METTL21A: variants seen among roughly 807,000 people sequenced by gnomAD.
METTL21A encodes methyltransferase 21A, HSPA lysine.
In METTL21A, 22 loss-of-function variants were observed where a neutral mutation model predicts 20.9. The observed-to-expected ratio is 1.05, with a 90% confidence interval of 0.75 to 1.50. The LOEUF is 1.50. Among genes scored for constraint, METTL21A ranks in the 40% most tolerant of loss-of-function variants. METTL21A has a pLI of 0.00. For synonymous variants in METTL21A, 93 were observed against 102.0 expected, an observed-to-expected ratio of 0.91 and a Z score of 0.53; for missense variants, 271 against 266.8, an observed-to-expected ratio of 1.02 and a Z score of -0.11.
chr2:207,604,495 C>G (rs1248816989), downstream of METTL21A, among the ~76,000 whole-genome samples: 2 of 142,346 alleles, frequency 1.4e-5, no homozygotes, highest in South Asian at 2.3e-4. Flanking sequence ...CCACATCTTT[C>G]TTAAGTGCAG....
intron 3 of METTL21A, among the ~76,000 whole-genome samples, chr2:207,621,594 T>A (rs112361918): frequency 2.3e-4 from 35 of 152,048 alleles, no homozygotes; most frequent in East Asian, 1.9e-3. Context: ...TGTGTGTGTG[T>A]GAGAGAGAGA....
intron 3 of METTL21A, among the ~76,000 whole-genome samples, chr2:207,588,849 T>C (rs2084406652): frequency 7.0e-6 from 1 of 143,694 alleles, no homozygotes; most frequent in African/African-American, 2.5e-5. Context: ...TTTTATCCTA[T>C]GACCATTCTA....
chr2:207,617,246 C>T (rs1057025110), intron 3 of METTL21A, among the ~76,000 whole-genome samples: 2 of 152,220 alleles, frequency 1.3e-5, no homozygotes, highest in African/African-American at 2.4e-5. Flanking sequence ...TCCTTACCCA[C>T]AGCTCAAAAG....
Position 207,596,845 on chromosome 2 carries a change from A to G in METTL21A, c.260-14685T>C. 2.6e-6 allele frequency: 4 copies of G among 1,560,844 alleles called. No individual in the cohort carries two copies. In the Admixed American group the frequency reaches 8.7e-5, roughly 34 times the overall value. On this transcript the variant is annotated intron_variant, in intron 3 of 3. Coordinates refer to the METTL21A transcript ENST00000425132. ...GAGCTATTTCTTTAAAAAAGAAAAA[A>G]AAAAGGTAATCCAAAATAAATATGT... is the stretch of plus-strand genomic sequence containing the variant.
downstream of METTL21A, among the ~76,000 whole-genome samples, chr2:207,607,478 C>G (rs1287406035): frequency 6.6e-6 from 1 of 151,274 alleles, no homozygotes; most frequent in African/African-American, 2.4e-5. Flanking sequence ...ATTGTATTTG[C>G]TAAGATAAAA....
chr2:207,613,032 T>C, exon 4 of METTL21A: 3 of 1,534,076 alleles, frequency 2.0e-6, no homozygotes, highest in Non-Finnish European at 2.6e-6. Context: ...AACATTCTTA[T>C]AAATTATAGC....
intron 3 of METTL21A, among the ~76,000 whole-genome samples, chr2:207,592,934 G>A (rs1286770722): frequency 4.0e-5 from 1 of 24,836 alleles, no homozygotes; most frequent in Non-Finnish European, 8.0e-5. Flanking sequence ...AAAATTCTCA[G>A]ATATACTTTC....
downstream of METTL21A, among the ~76,000 whole-genome samples, chr2:207,605,180 C>T (rs920446284): frequency 6.6e-6 from 1 of 152,160 alleles, no homozygotes; most frequent in Admixed American, 6.6e-5. Flanking sequence ...TTTTACCTTC[C>T]ACCATTGATG....
chr2:207,599,437 C>A (rs755833552), intron 3 of METTL21A: 25 of 198,848 alleles, frequency 1.3e-4, no homozygotes, highest in Non-Finnish European at 2.4e-4. Context: ...AAAGTTCAGG[C>A]TTTCTACTTA....
chr2:207,582,244 G>A (rs1426257245), intron 3 of METTL21A: 1 of 697,774 alleles, frequency 1.4e-6, no homozygotes, highest in African/African-American at 1.8e-5. Context: ...GAAGTACTTG[G>A]AGGCTATGCA....
intron 3 of METTL21A, chr2:207,601,287 G>C (rs542394960): frequency 3.8e-4 from 70 of 185,164 alleles, no homozygotes; most frequent in Non-Finnish European, 6.7e-4. Flanking sequence ...TTGGGTATTA[G>C]CAACTTAAGA....
downstream of METTL21A, among the ~76,000 whole-genome samples, chr2:207,605,156 C>T (rs1218971960): frequency 6.6e-6 from 1 of 152,184 alleles, no homozygotes; most frequent in Non-Finnish European, 1.5e-5. Flanking sequence ...AACTTTCCCT[C>T]AGCAGCTGTA....
At chr2:207,584,027 G>A (rs2106634130) in intron 3 of METTL21A, among the ~76,000 whole-genome samples, 1 of 152,254 alleles carries the variant, frequency 6.6e-6, no homozygotes, top group Middle Eastern at 3.4e-3. Flanking sequence ...ACTTATCCCA[G>A]ATAATTCCAT....
rs760826939 is a variant in METTL21A at position 207,613,196 on chromosome 2, A to G, written c.507T>C (p.Ile169=). 3.1e-6 allele frequency: 5 copies of G among 1,613,906 alleles called. No homozygotes were observed. The South Asian group carries it at 4.4e-5, about 14-fold the overall frequency. The change falls in exon 4 of 4, where the codon ATT becomes ATC. Residue 169 remains isoleucine (I), a synonymous_variant. Transcript: ENST00000406927. ...CATAGCGAATTCGGCATGCTAAAAG[A>G]ATCACAGAGTGATTGCTACAGAGAT...
chr2:207,595,828 C>G (rs1011460606), intron 3 of METTL21A, among the ~76,000 whole-genome samples: 3 of 152,192 alleles, frequency 2.0e-5, no homozygotes, highest in African/African-American at 7.2e-5. Context: ...CTCAGCCTCC[C>G]AAAGTGCTGG....
At chr2:207,591,696 G>A (rs2085071633) in intron 3 of METTL21A, among the ~76,000 whole-genome samples, 2 of 152,148 alleles carry the variant, frequency 1.3e-5, no homozygotes, top group Admixed American at 1.3e-4. Context: ...GCCTCCCAAA[G>A]TGCTGGGATT....
chr2:207,616,138 C>T (rs2089707658), intron 3 of METTL21A, among the ~76,000 whole-genome samples: 1 of 152,068 alleles, frequency 6.6e-6, no homozygotes, highest in African/African-American at 2.4e-5. Flanking sequence ...CATGGTCATG[C>T]CACTGCACTC....
intron 3 of METTL21A, among the ~76,000 whole-genome samples, chr2:207,620,983 T>C (rs2090413869): frequency 6.6e-6 from 1 of 152,172 alleles, no homozygotes; most frequent in Non-Finnish European, 1.5e-5. Context: ...ACATTTCTAC[T>C]GCTTGTTAGA....
intron 2 of METTL21A, among the ~76,000 whole-genome samples, chr2:207,622,562 G>A (rs2090623223): frequency 6.6e-6 from 1 of 152,204 alleles, no homozygotes. Context: ...TTTTGTTTAA[G>A]GGAATGCCCA....
Sources: allele counts gnomAD v4.1 joint callset (sites outside exome capture counted in the v4.1 genomes callset), GRCh38; gene constraint gnomAD v4.1.1; transcripts MANE v1.5; gene names NCBI Gene and HGNC (gene_info 2026-07-23, HGNC 2026-07-21).